TRIP4: variants seen among roughly 807,000 people sequenced by gnomAD.
The protein encoded by TRIP4 is thyroid hormone receptor interactor 4, also known as activating signal cointegrator 1.
Under a neutral mutation model 81.8 loss-of-function variants are expected in TRIP4, and 54 were observed. That is an observed-to-expected ratio of 0.66 (90% confidence interval 0.53 to 0.83). The LOEUF (loss-of-function observed/expected upper bound fraction) is 0.83. Ranked by LOEUF, TRIP4 falls within the 40% of genes least tolerant of loss-of-function variation. TRIP4 has a pLI of 0.00. For missense variants in TRIP4, 662 were observed against 683.6 expected (o/e 0.97, Z 0.35); for synonymous variants, 270 against 242.8 (o/e 1.11, Z -1.04).
chr15:64,421,281 G>GAAAAAAAAAAA (rs1365174041), intron 9 of TRIP4, among the ~76,000 whole-genome samples: 1 of 136,864 alleles, frequency 7.3e-6, no homozygotes, highest in Non-Finnish European at 1.6e-5. Context: ...GACTCCATCT[G>GAAAAAAAAAAA]AAAAAAAAAA....
intron 5 of TRIP4, among the ~76,000 whole-genome samples, chr15:64,401,832 C>G (rs1405452610): frequency 6.6e-6 from 1 of 152,074 alleles, no homozygotes; most frequent in Non-Finnish European, 1.5e-5. Flanking sequence ...CTGCCACAAG[C>G]ACGATCCACC....
Position 64,409,593 on chromosome 15 carries a change from A to G in TRIP4, c.828-20A>G. The stretch of plus-strand genomic sequence containing the variant: ...TTTGTCAACAGATGACCTAATTACC[A>G]TGTGTTCCCTTTTTCTCAGTATTCG... On this transcript the variant is annotated intron_variant, in intron 6 of 12. Transcript: ENST00000261884. 1.2e-6 allele frequency: 2 copies of G among 1,610,262 alleles called. No homozygotes were observed. Among genetic ancestry groups the G allele is most frequent in the Non-Finnish European group, 1.7e-6 (2 of 1,176,854 alleles).
intron 9 of TRIP4, among the ~76,000 whole-genome samples, chr15:64,423,217 C>G (rs1008956284): frequency 2.0e-5 from 3 of 151,904 alleles, no homozygotes; most frequent in Non-Finnish European, 4.4e-5. Flanking sequence ...GCCTGTAATC[C>G]CAGCACTTTG....
Position 64,423,902 on chromosome 15 carries a change from C to T in TRIP4, c.1359-129C>T. ...AGTGTTTTTGACAAAAGATACTGCT[C>T]TTGAGAAGGCATCATCTATAGACCT... On this transcript the variant is annotated intron_variant, in intron 9 of 12. Transcript: ENST00000261884. The T allele has an allele frequency of 2.8e-6, 3 of 1,064,358 alleles. No individual in the cohort carries two copies. In the Admixed American group the frequency reaches 7.0e-5, roughly 25 times the overall value. 65.9% of individuals were successfully genotyped at this position (1,064,358 alleles called of 1,614,324 possible).
chr15:64,431,312 T>C (rs1383939207), intron 11 of TRIP4, among the ~76,000 whole-genome samples: 1 of 152,154 alleles, frequency 6.6e-6, no homozygotes, highest in African/African-American at 2.4e-5. Flanking sequence ...AAAATTGTTA[T>C]GTTACTAACA....
At chr15:64,430,908 CT>C (rs1892255847) in intron 11 of TRIP4, among the ~76,000 whole-genome samples, 1 of 152,118 alleles carries the variant, frequency 6.6e-6, no homozygotes. Context: ...GAGAATATTA[CT>C]TCTTCCTTTT....
Position 64,423,809 on chromosome 15 carries a change from C to T in TRIP4, c.1359-222C>T, listed in dbSNP as rs541362667. ...TCAAGAGTTGAGAGAGATGACTTGT[C>T]GCTATTCTGATGGAGGAGAAATTAG... On this transcript the variant is annotated intron_variant, in intron 9 of 12. Transcript: ENST00000261884. Among the ~76,000 whole-genome samples the T allele has an allele frequency of 1.6e-4, 24 of 152,194 alleles. 1 individual carries two copies. The South Asian group carries it at 3.9e-3, about 25-fold the overall frequency.
chr15:64,420,681 G>A (rs1891992972), intron 9 of TRIP4, among the ~76,000 whole-genome samples: 1 of 151,848 alleles, frequency 6.6e-6, no homozygotes, highest in African/African-American at 2.4e-5. Flanking sequence ...CCGCCACCAT[G>A]CCCAGCTAAT....
At chr15:64,395,341 C>A in intron 2 of TRIP4, 57 bp from the exon 3 acceptor site, 1 of 1,472,470 alleles carries the variant, frequency 6.8e-7, no homozygotes, top group Non-Finnish European at 9.1e-7. Flanking sequence ...ATTAGTTCAC[C>A]AGGAATCCTC....
At position 64,387,915 on chromosome 15, in the gene TRIP4, C is replaced by A. The variant is rs1027313143; in HGVS notation, c.52C>A (p.Gln18Lys). The A allele has an allele frequency of 1.9e-6, 3 of 1,550,776 alleles. No homozygotes were observed. Among genetic ancestry groups the A allele is most frequent in the Admixed American group, 3.9e-5 (2 of 50,948 alleles). ...GGAGCCGCTGGTGCACTGGTGCACC[C>A]AGCAGTTGCGGAAGACTTTCGGCCT... Reference protein sequence around the residue: ...SGEPLVHWCTQQLRKTFGLDV... With the variant: ...SGEPLVHWCTKQLRKTFGLDV... Residue 18 changes from glutamine (Q) to lysine (K), a missense_variant, in exon 1 of 13, where the codon CAG becomes AAG. Gln to Lys is a moderately conservative substitution (Grantham distance 53, BLOSUM62 1). Transcript: ENST00000261884.
At chr15:64,441,287 C>T (rs1267055508) in intron 11 of TRIP4, among the ~76,000 whole-genome samples, 1 of 151,826 alleles carries the variant, frequency 6.6e-6, no homozygotes, top group African/African-American at 2.4e-5. Context: ...TGAGCCACTG[C>T]GCCCGGCCAA....
chr15:64,441,458 T>C (rs1892516359), intron 11 of TRIP4, among the ~76,000 whole-genome samples: 1 of 152,074 alleles, frequency 6.6e-6, no homozygotes, highest in Non-Finnish European at 1.5e-5. Flanking sequence ...GTAAATTATA[T>C]TGTATCAGAC....
chr15:64,446,474 G>A (rs1268521517), intron 12 of TRIP4, among the ~76,000 whole-genome samples: 1 of 144,164 alleles, frequency 6.9e-6, no homozygotes, highest in African/African-American at 2.6e-5. Context: ...GCCCAATCTC[G>A]GCTCACTACA....
intron 5 of TRIP4, among the ~76,000 whole-genome samples, chr15:64,404,596 C>T (rs554559541): frequency 1.8e-4 from 28 of 152,310 alleles, no homozygotes; most frequent in African/African-American, 6.7e-4. Flanking sequence ...CAGGCATGAA[C>T]CACCGCGCTC....
intron 12 of TRIP4, among the ~76,000 whole-genome samples, chr15:64,447,559 T>G (rs974517846): frequency 6.6e-6 from 1 of 152,202 alleles, no homozygotes; most frequent in African/African-American, 2.4e-5. Flanking sequence ...TACTGCAAAA[T>G]TCAGGCAACA....
Position 64,397,588 on chromosome 15 carries a change from G to T in TRIP4, c.406-18G>T. On this transcript the variant is annotated intron_variant, in intron 3 of 12. Transcript: ENST00000261884. ...GTCATTAATTATTTGATGTTATTTT[G>T]ATGTCTTTGTACGATAGGCACAAGA... 1 of 1,603,006 alleles carries T rather than the reference G, an allele frequency of 6.2e-7. No homozygotes were observed. Among genetic ancestry groups the T allele is most frequent in the South Asian group, 1.1e-5 (1 of 90,770 alleles).
intron 12 of TRIP4, among the ~76,000 whole-genome samples, chr15:64,452,991 C>T (rs1271836880): frequency 6.6e-6 from 1 of 152,098 alleles, no homozygotes; most frequent in Non-Finnish European, 1.5e-5. Context: ...TCAAGACCAA[C>T]TTGGCCAACG....
rs575110225 is a variant in TRIP4, at chr15:64,400,481, T to C, written c.619-262T>C. Among the ~76,000 whole-genome samples the C allele has an allele frequency of 9.2e-5, 14 of 151,386 alleles. No individual in the cohort carries two copies. The South Asian group carries it at 2.7e-3, about 29-fold the overall frequency. ...AAGCCACTGTGCCCAGCCTTTTTTT[T>C]TTTTTTTTCTAAACCATTAAGTCAT... On this transcript the variant is annotated intron_variant, in intron 4 of 12. Transcript: ENST00000261884.
At chr15:64,454,389 G>A (rs1892839847) in intron 12 of TRIP4, among the ~76,000 whole-genome samples, 1 of 152,022 alleles carries the variant, frequency 6.6e-6, no homozygotes, top group Non-Finnish European at 1.5e-5. Flanking sequence ...CTTTCATTAG[G>A]GTCACCTGGG....
Sources: gnomAD v4.1 joint callset for allele counts (sites outside exome capture counted in the v4.1 genomes callset) on GRCh38, gnomAD v4.1.1 for gene constraint, MANE v1.5 for transcripts, NCBI Gene and HGNC (gene_info 2026-07-23, HGNC 2026-07-21) for gene names.